PLCB1: variants seen among roughly 807,000 people sequenced by gnomAD.
The protein encoded by PLCB1 is phospholipase C beta 1.
Under a neutral mutation model 161.8 loss-of-function variants are expected in PLCB1, and 46 were observed. That is an observed-to-expected ratio of 0.28 (90% CI 0.22 to 0.36). The LOEUF is 0.36. Among genes scored for constraint, PLCB1 ranks in the 10% least tolerant of loss-of-function variants. PLCB1 has a pLI of 1.00. For synonymous variants in PLCB1, 517 were observed against 503.7 expected, an observed-to-expected ratio of 1.03 and a Z score of -0.35; for missense variants, 1,016 against 1,472.5, an observed-to-expected ratio of 0.69 and a Z score of 5.07.
chr20:8,251,765 G>A (rs944983783), intron 2 of PLCB1, among the ~76,000 whole-genome samples: 2 of 151,950 alleles, frequency 1.3e-5, no homozygotes, highest in East Asian at 1.9e-4. Context: ...CACATTCCTA[G>A]GTCCCTCTCC....
intron 9 of PLCB1, among the ~76,000 whole-genome samples, chr20:8,682,652 A>G (rs924547869): frequency 6.6e-6 from 1 of 152,234 alleles, no homozygotes; most frequent in Non-Finnish European, 1.5e-5. Context: ...CAAATGGCAC[A>G]TCTCTTAGCA....
chr20:8,446,958 G>T (rs1410499884), intron 3 of PLCB1, among the ~76,000 whole-genome samples: 1 of 152,014 alleles, frequency 6.6e-6, no homozygotes, highest in Non-Finnish European at 1.5e-5. Context: ...TATCATCAAG[G>T]TTCAAAGAGG....
At chr20:8,550,522 G>T (rs993478319) in intron 3 of PLCB1, among the ~76,000 whole-genome samples, 2 of 152,050 alleles carry the variant, frequency 1.3e-5, no homozygotes, top group Non-Finnish European at 2.9e-5. Flanking sequence ...CACCATGATT[G>T]TAAGTTTCCT....
chr20:8,275,238 T>C (rs1489993283), intron 2 of PLCB1, among the ~76,000 whole-genome samples: 1 of 127,240 alleles, frequency 7.9e-6, no homozygotes, highest in East Asian at 2.4e-4. Flanking sequence ...AGGTTTGCTT[T>C]GCATCAGCGT....
At chr20:8,254,066 A>C (rs1981287996) in intron 2 of PLCB1, among the ~76,000 whole-genome samples, 2 of 151,960 alleles carry the variant, frequency 1.3e-5, no homozygotes, top group African/African-American at 2.4e-5. Flanking sequence ...ATTCACACAT[A>C]TATTGAAAGC....
intron 23 of PLCB1, among the ~76,000 whole-genome samples, chr20:8,754,698 T>C (rs1313292341): frequency 6.6e-6 from 1 of 152,204 alleles, no homozygotes; most frequent in Non-Finnish European, 1.5e-5. Context: ...TTACCCCTGC[T>C]GTATTTAAGC....
chr20:8,253,782 C>T (rs1488039838), intron 2 of PLCB1, among the ~76,000 whole-genome samples: 1 of 151,956 alleles, frequency 6.6e-6, no homozygotes, highest in African/African-American at 2.4e-5. Flanking sequence ...TCCCTCCCCA[C>T]TCTAGTATTC....
At chr20:8,455,328 C>CAAA (rs1237714702) in intron 3 of PLCB1, among the ~76,000 whole-genome samples, 7 of 98,180 alleles carry the variant, frequency 7.1e-5, no homozygotes, top group South Asian at 3.8e-4. Context: ...AACTCCATCA[C>CAAA]AAAAAAAAAA....
intron 2 of PLCB1, among the ~76,000 whole-genome samples, chr20:8,200,710 A>G (rs1317858490): frequency 4.6e-5 from 7 of 151,796 alleles, no homozygotes; most frequent in African/African-American, 1.7e-4. Flanking sequence ...CACTTTTCCA[A>G]CTGTTTTACC....
chr20:8,541,623 A>G (rs1985337429), intron 3 of PLCB1, among the ~76,000 whole-genome samples: 1 of 151,630 alleles, frequency 6.6e-6, no homozygotes, highest in Non-Finnish European at 1.5e-5. Flanking sequence ...GAAGATAGTA[A>G]TGAAATGTGG....
At chr20:8,832,172 G>C (rs1249995133) in intron 31 of PLCB1, among the ~76,000 whole-genome samples, 2 of 152,088 alleles carry the variant, frequency 1.3e-5, no homozygotes, top group Non-Finnish European at 2.9e-5. Context: ...ATATTTTATT[G>C]GCCTAGGAAT....
chr20:8,402,421 A>T (rs1387247784), intron 3 of PLCB1, among the ~76,000 whole-genome samples: 1 of 152,164 alleles, frequency 6.6e-6, no homozygotes, highest in Non-Finnish European at 1.5e-5. Flanking sequence ...TGAGTGTTAC[A>T]TCACTTTGAT....
Position 8,425,468 on chromosome 20 carries a change from T to C in PLCB1, c.246+54018T>C, listed in dbSNP as rs114523161. On this transcript the variant is annotated intron_variant, in intron 3 of 31. Transcript: ENST00000338037. ...AAACTATAAAGTGCATCCACATCCC[T>C]GTATGTGCCAGTGTGGATTCACCAG... Among the ~76,000 whole-genome samples the C allele has an allele frequency of 7.4e-3, 1,125 of 152,234 alleles. 16 individuals are homozygous for C. The highest frequency in any genetic ancestry group is 0.026 in the African/African-American group (1,078 of 41,544).
intron 27 of PLCB1, among the ~76,000 whole-genome samples, chr20:8,785,102 C>A (rs1983419821): frequency 7.5e-6 from 1 of 133,952 alleles, no homozygotes; most frequent in African/African-American, 2.6e-5. Context: ...GTAGGAAAAA[C>A]CAATTAGGGG....
At chr20:8,390,937 G>A (rs1987567561) in intron 3 of PLCB1, among the ~76,000 whole-genome samples, 1 of 151,258 alleles carries the variant, frequency 6.6e-6, no homozygotes, top group South Asian at 2.1e-4. Flanking sequence ...TCATCTAGTT[G>A]CGGTAAGGAC....
At chr20:8,427,953 A>G (rs1600393703) in intron 3 of PLCB1, among the ~76,000 whole-genome samples, 1 of 152,170 alleles carries the variant, frequency 6.6e-6, no homozygotes, top group Non-Finnish European at 1.5e-5. Flanking sequence ...ACAAACATCT[A>G]TGAGGAAGCA....
At chr20:8,665,916 G>A (rs1476567991) in intron 9 of PLCB1, among the ~76,000 whole-genome samples, 1 of 152,044 alleles carries the variant, frequency 6.6e-6, no homozygotes, top group African/African-American at 2.4e-5. Flanking sequence ...TGTAAAATGG[G>A]ATGAGACCAG....
intron 3 of PLCB1, among the ~76,000 whole-genome samples, chr20:8,619,269 A>C (rs1205027249): frequency 6.6e-6 from 1 of 152,040 alleles, no homozygotes; most frequent in Non-Finnish European, 1.5e-5. Context: ...AAATACAAAA[A>C]TTAGCCGGGC....
chr20:8,702,118 A>G (rs921219075), intron 11 of PLCB1, among the ~76,000 whole-genome samples: 2 of 152,208 alleles, frequency 1.3e-5, no homozygotes, highest in East Asian at 3.9e-4. Flanking sequence ...TGTTTACTGT[A>G]TGGGTCAAAA....
Sources: gnomAD v4.1 joint callset for allele counts (sites outside exome capture counted in the v4.1 genomes callset) on GRCh38, gnomAD v4.1.1 for gene constraint, MANE v1.5 for transcripts, NCBI Gene and HGNC (gene_info 2026-07-23, HGNC 2026-07-21) for gene names.